Variants in VTI1A observed in about 807,000 individuals in gnomAD.
VTI1A encodes vesicle transport through interaction with t-SNAREs 1A, also known as vesicle transport through interaction with t-SNAREs homolog 1A.
A neutral mutation model predicts 34.9 loss-of-function variants in VTI1A; 22 were observed. The observed-to-expected ratio is 0.63, with a 90% CI of 0.45 to 0.90. The LOEUF (loss-of-function observed/expected upper bound fraction) is 0.90. VTI1A is among the 40% of genes least tolerant of loss of function. The pLI, the probability that VTI1A is intolerant of heterozygous loss-of-function variation, is 0.00. For synonymous variants in VTI1A, 87 were observed against 97.3 expected (o/e 0.89, Z 0.62); for missense variants, 268 against 275.6 (o/e 0.97, Z 0.20).
intron 5 of VTI1A, among the ~76,000 whole-genome samples, chr10:112,573,171 T>C (rs1852206059): frequency 1.3e-5 from 2 of 152,182 alleles, no homozygotes; most frequent in South Asian, 4.1e-4. Context: ...GCAGATGTGA[T>C]TGGAGCAGTA....
chr10:112,538,446 T>C lies in VTI1A; in HGVS notation c.427+116T>C. 2 of 942,762 alleles carry C rather than the reference T, an allele frequency of 2.1e-6. 1 individual carries two copies. Among genetic ancestry groups the C allele is most frequent in the South Asian group, 3.0e-5 (2 of 67,092 alleles). 58.4% of individuals were successfully genotyped at this position (942,762 alleles called of 1,614,324 possible). A position where few individuals can be genotyped will look rare whatever the true frequency, so the allele number is the denominator to read the frequency against. ...AGAGACAGCAGCCCGAGATGTGGTTTACATATTGGGGAGACAATTGGGAGC... is the reference window on the plus strand; with the variant it reads ...AGAGACAGCAGCCCGAGATGTGGTTCACATATTGGGGAGACAATTGGGAGC... On this transcript the variant is annotated intron_variant, in intron 5 of 7. Coordinates refer to ENST00000393077, the MANE Select transcript of VTI1A (RefSeq NM_145206.4).
chr10:112,785,347 G>T (rs1265069186), intron 7 of VTI1A, among the ~76,000 whole-genome samples: 1 of 152,182 alleles, frequency 6.6e-6, no homozygotes, highest in Admixed American at 6.5e-5. Flanking sequence ...GGCAGCTCTG[G>T]AGCTTGTAAG....
intron 7 of VTI1A, among the ~76,000 whole-genome samples, chr10:112,714,985 C>G (rs532712991): frequency 6.6e-6 from 1 of 152,314 alleles, no homozygotes; most frequent in Admixed American, 6.5e-5. Context: ...AAAACCAAAA[C>G]TTACCCATCA....
At chr10:112,746,699 C>A (rs1237743415) in intron 7 of VTI1A, among the ~76,000 whole-genome samples, 2 of 152,132 alleles carry the variant, frequency 1.3e-5, no homozygotes, top group Non-Finnish European at 2.9e-5. Flanking sequence ...ATTAACTGAG[C>A]AAATTTGACT....
intron 5 of VTI1A, among the ~76,000 whole-genome samples, chr10:112,620,550 G>A (rs1405541959): frequency 6.6e-6 from 1 of 152,164 alleles, no homozygotes; most frequent in Non-Finnish European, 1.5e-5. Flanking sequence ...CAAAACTTTG[G>A]GAGGCCGAGG....
intron 5 of VTI1A, among the ~76,000 whole-genome samples, chr10:112,623,726 G>C (rs767862735): frequency 1.3e-5 from 2 of 152,078 alleles, no homozygotes; most frequent in Non-Finnish European, 2.9e-5. Context: ...CCTCTGACTT[G>C]GACAAAATCT....
At chr10:112,505,098 CTA>C (rs1203942303) in intron 3 of VTI1A, among the ~76,000 whole-genome samples, 1 of 151,744 alleles carries the variant, frequency 6.6e-6, no homozygotes, top group Non-Finnish European at 1.5e-5. Flanking sequence ...TAAATTTATC[CTA>C]TGTTTGTTCT....
chr10:112,614,134 CCT>C (rs760116749), intron 5 of VTI1A, among the ~76,000 whole-genome samples: 1 of 152,088 alleles, frequency 6.6e-6, no homozygotes, highest in East Asian at 1.9e-4. Flanking sequence ...TCAGTTAACC[CCT>C]GAGTTCGTTA....
Position 112,748,781 on chromosome 10 carries a change from A to G in VTI1A, c.561-66509A>G, listed in dbSNP as rs573881151. On this transcript the variant is annotated intron_variant, in intron 7 of 7. Coordinates refer to ENST00000393077, the MANE Select transcript of VTI1A (RefSeq NM_145206.4). ...GCTGGGACTACAGATGCCCGCCACC[A>G]TGCCCGGCTAATTTTTTTTTTTTAT... Among the ~76,000 whole-genome samples, 56 of 150,212 alleles carry G rather than the reference A, an allele frequency of 3.7e-4. No homozygotes were observed. In the East Asian group the frequency reaches 0.01, roughly 28 times the overall value.
chr10:112,726,392 C>T (rs775993299), intron 7 of VTI1A, among the ~76,000 whole-genome samples: 7 of 152,152 alleles, frequency 4.6e-5, no homozygotes, highest in Non-Finnish European at 1.0e-4. Flanking sequence ...AGTCAACCTC[C>T]TGTTGCTGTC....
intron 7 of VTI1A, among the ~76,000 whole-genome samples, chr10:112,757,234 G>A (rs1342848412): frequency 6.6e-6 from 1 of 151,794 alleles, no homozygotes; most frequent in African/African-American, 2.4e-5. Flanking sequence ...ATTGCTATGT[G>A]ATGAGTGCTG....
At position 112,447,434 on chromosome 10, in the gene VTI1A, A is replaced by G. The variant is rs751486263; in HGVS notation, c.61A>G (p.Ser21Gly). 2.5e-5 allele frequency: 40 copies of G among 1,613,582 alleles called. No homozygotes were observed. Among genetic ancestry groups the G allele is most frequent in the Non-Finnish European group, 3.0e-5 (35 of 1,180,000 alleles). Residue 21 changes from serine to glycine, a missense_variant, in exon 1 of 8, where the codon AGC becomes GGC. Transcript: ENST00000393077. ...DFAVLTAEIT[S>G]KIARVPRLPP... The stretch of plus-strand genomic sequence containing the variant: ...CGCGGTGCTCACTGCAGAGATCACC[A>G]GCAAGATTGCGAGGGTCCCACGACT...
chr10:112,456,860 G>C (rs974503400), intron 1 of VTI1A, among the ~76,000 whole-genome samples: 1 of 152,204 alleles, frequency 6.6e-6, no homozygotes, highest in Non-Finnish European at 1.5e-5. Context: ...CTTTAGCAGA[G>C]ACTGTAAGTT....
At chr10:112,772,982 C>T (rs1851857192) in intron 7 of VTI1A, among the ~76,000 whole-genome samples, 1 of 152,204 alleles carries the variant, frequency 6.6e-6, no homozygotes, top group Non-Finnish European at 1.5e-5. Context: ...TAGAGTGTAA[C>T]TCGAAAACTC....
chr10:112,721,341 C>T (rs1440634814), intron 7 of VTI1A, among the ~76,000 whole-genome samples: 2 of 152,188 alleles, frequency 1.3e-5, no homozygotes, highest in East Asian at 3.9e-4. Flanking sequence ...GCTACAATAC[C>T]AACTTCAGAA....
intron 5 of VTI1A, among the ~76,000 whole-genome samples, chr10:112,543,239 T>A (rs2134269405): frequency 6.6e-6 from 1 of 152,302 alleles, no homozygotes; most frequent in East Asian, 1.9e-4. Flanking sequence ...TCTAGATCCT[T>A]GAGGAATCGC....
chr10:112,809,196 A>G lies in VTI1A; in HGVS notation c.561-6094A>G, dbSNP rs181311819. Reference sequence around the variant, plus strand: ...CATGATAACCGCACAGCTCTAGCTCAGAGGCAAACATGTCCCCAGCTCTGA... The same window carrying G: ...CATGATAACCGCACAGCTCTAGCTCGGAGGCAAACATGTCCCCAGCTCTGA... On this transcript the variant is annotated intron_variant, in intron 7 of 7. Transcript: ENST00000393077. Among the ~76,000 whole-genome samples the G allele has an allele frequency of 8.5e-5, 13 of 152,366 alleles. No individual in the cohort carries two copies. In the East Asian group the frequency reaches 1.9e-3, roughly 23 times the overall value.
At chr10:112,594,141 G>A (rs1844517938) in intron 5 of VTI1A, among the ~76,000 whole-genome samples, 1 of 152,110 alleles carries the variant, frequency 6.6e-6, no homozygotes, top group South Asian at 2.1e-4. Flanking sequence ...TCGATTGCCT[G>A]ACCTTGTGAT....
At chr10:112,756,135 G>T (rs1851275356) in intron 7 of VTI1A, among the ~76,000 whole-genome samples, 1 of 152,168 alleles carries the variant, frequency 6.6e-6, no homozygotes, top group African/African-American at 2.4e-5. Context: ...ATTATGCTCC[G>T]TGGCGTGGAG....
Sources: gnomAD v4.1 joint callset for allele counts (sites outside exome capture counted in the v4.1 genomes callset) on GRCh38, gnomAD v4.1.1 for gene constraint, MANE v1.5 for transcripts, NCBI Gene and HGNC (gene_info 2026-07-23, HGNC 2026-07-21) for gene names.